The following TASP1 variants were observed in gnomAD, a reference collection of about 807,000 sequenced individuals.
TASP1 encodes the protein taspase 1.
A neutral mutation model predicts 56.6 loss-of-function variants in TASP1; 16 were observed. The ratio of observed to expected loss-of-function variants is 0.28; its 90% CI spans 0.19 to 0.43. The LOEUF (loss-of-function observed/expected upper bound fraction) is 0.43. Ranked by LOEUF, TASP1 falls within the 20% of genes least tolerant of loss-of-function variation. The pLI is 1.00. For synonymous variants in TASP1, 179 were observed against 184.2 expected, an observed-to-expected ratio of 0.97 and a Z score of 0.23; for missense variants, 393 against 511.6, an observed-to-expected ratio of 0.77 and a Z score of 2.24.
At chr20:13,301,815 G>C in the TASP1 span, among the ~76,000 whole-genome samples, 1 of 152,050 alleles carries the variant, frequency 6.6e-6, no homozygotes, top group African/African-American at 2.4e-5. Flanking sequence ...CAGCTCAACT[G>C]GGTGATCAGG....
the TASP1 span, among the ~76,000 whole-genome samples, chr20:13,301,902 G>A: frequency 6.6e-6 from 1 of 152,182 alleles, no homozygotes; most frequent in South Asian, 2.1e-4. Flanking sequence ...AAGAAATAGA[G>A]GCAGAAATCA....
chr20:13,305,175 T>C, the TASP1 span, among the ~76,000 whole-genome samples: 1 of 145,834 alleles, frequency 6.9e-6, no homozygotes, highest in African/African-American at 2.6e-5. Flanking sequence ...GGAACTCTAC[T>C]AGATTTTAAT....
the TASP1 span, among the ~76,000 whole-genome samples, chr20:13,333,574 GAT>G: frequency 0.053 from 7,991 of 152,184 alleles, 313 homozygotes; most frequent in East Asian, 0.15. Context: ...CTTTTAAAAT[GAT>G]ATAGTTGATG....
chr20:13,557,506 G>A (rs2046198938), intron 8 of TASP1, among the ~76,000 whole-genome samples: 1 of 151,440 alleles, frequency 6.6e-6, no homozygotes, highest in African/African-American at 2.4e-5. Context: ...GGTTTACATG[G>A]GCATATATGT....
the TASP1 span, among the ~76,000 whole-genome samples, chr20:13,240,214 A>G: frequency 1.3e-5 from 2 of 152,350 alleles, no homozygotes; most frequent in Middle Eastern, 3.4e-3. Context: ...TGGAGATTCA[A>G]TAGAGAACAA....
chr20:13,530,505 A>G (rs1327715104), intron 9 of TASP1, among the ~76,000 whole-genome samples: 1 of 152,184 alleles, frequency 6.6e-6, no homozygotes, highest in Non-Finnish European at 1.5e-5. Flanking sequence ...CTCAGAGAAC[A>G]CAAGAAATCA....
At chr20:13,624,675 A>C (rs2048824464) in intron 3 of TASP1, among the ~76,000 whole-genome samples, 1 of 152,194 alleles carries the variant, frequency 6.6e-6, no homozygotes. Context: ...TTAAATATTC[A>C]ACAATTTAGC....
At chr20:13,520,518 G>A (rs2044706603) in intron 10 of TASP1, among the ~76,000 whole-genome samples, 2 of 152,166 alleles carry the variant, frequency 1.3e-5, no homozygotes, top group Non-Finnish European at 2.9e-5. Flanking sequence ...AACAAGAAAT[G>A]GGGAAACGAT....
the TASP1 span, among the ~76,000 whole-genome samples, chr20:13,323,995 GA>G: frequency 6.6e-6 from 1 of 152,198 alleles, no homozygotes; most frequent in Admixed American, 6.5e-5. Context: ...GCTTCTCTAA[GA>G]AATGTTATCT....
At position 13,394,307 on chromosome 20, in the gene TASP1, CA is replaced by C. The variant is rs57418361; in HGVS notation, c.1171-3856del. On this transcript the variant is annotated intron_variant, in intron 13 of 13. Coordinates refer to ENST00000337743, the MANE Select transcript of TASP1 (RefSeq NM_017714.3). ...GCCACTGCACTACAGCACTCCCTCT[CA>C]AAAAAAAAAAAAAAAAAAAAGGCCT... 7.5e-3 allele frequency among the ~76,000 whole-genome samples: 321 copies of C among 42,946 alleles called. 1 individual carries two copies. The highest frequency in any genetic ancestry group is 0.024 in the South Asian group (30 of 1,266). 28.2% of individuals were successfully genotyped at this position (42,946 alleles called of 152,430 possible).
chr20:13,440,076 C>A (rs1054358496), intron 11 of TASP1, among the ~76,000 whole-genome samples: 9 of 152,142 alleles, frequency 5.9e-5, no homozygotes, highest in African/African-American at 2.2e-4. Flanking sequence ...AATGGTATTA[C>A]AGTGGCATCA....
At chr20:13,177,580 T>C in the TASP1 span, among the ~76,000 whole-genome samples, 1 of 151,826 alleles carries the variant, frequency 6.6e-6, no homozygotes, top group Non-Finnish European at 1.5e-5. Flanking sequence ...ACCAATGAAA[T>C]AGAAAGGAGA....
downstream of TASP1, among the ~76,000 whole-genome samples, chr20:13,387,184 A>ATTTTTTTTTTTTTGTTTTTTTTTT (rs2041169516): frequency 1.4e-5 from 1 of 70,694 alleles, no homozygotes; most frequent in African/African-American, 6.7e-5. Flanking sequence ...ACATGATTTC[A>ATTTTTTTTTTTTTGTTTTTTTTTT]TTTTTTTTTT....
At chr20:13,469,398 T>A (rs1442802352) in intron 11 of TASP1, among the ~76,000 whole-genome samples, 1 of 152,126 alleles carries the variant, frequency 6.6e-6, no homozygotes, top group African/African-American at 2.4e-5. Flanking sequence ...AAAACCAACT[T>A]CCATTTTGAG....
intron 11 of TASP1, among the ~76,000 whole-genome samples, chr20:13,464,989 T>A (rs926882400): frequency 6.6e-6 from 1 of 151,372 alleles, no homozygotes; most frequent in Admixed American, 6.6e-5. Flanking sequence ...ATAGAGAGAT[T>A]CCATCTCTAA....
chr20:13,436,044 A>G (rs1169724002), intron 11 of TASP1, among the ~76,000 whole-genome samples: 1 of 152,150 alleles, frequency 6.6e-6, no homozygotes, highest in Non-Finnish European at 1.5e-5. Context: ...GACCTTTTGG[A>G]AAACGGTAAG....
the TASP1 span, among the ~76,000 whole-genome samples, chr20:13,132,236 G>A: frequency 7.0e-6 from 1 of 143,724 alleles, no homozygotes; most frequent in African/African-American, 2.6e-5. Flanking sequence ...GAGTGCAGTG[G>A]TGCCATCTCG....
chr20:13,201,757 T>C, the TASP1 span, among the ~76,000 whole-genome samples: 4,154 of 150,174 alleles, frequency 0.028, 96 homozygotes, highest in African/African-American at 0.034. Flanking sequence ...TGGTAAACTT[T>C]TTTTTTTTTT....
chr20:13,476,934 G>T (rs1301842244), intron 11 of TASP1, among the ~76,000 whole-genome samples: 2 of 152,020 alleles, frequency 1.3e-5, no homozygotes, highest in Non-Finnish European at 2.9e-5. Context: ...AAAGAAAAAA[G>T]ATTTTAGTGT....
Sources: allele counts gnomAD v4.1 joint callset (sites outside exome capture counted in the v4.1 genomes callset), GRCh38; gene constraint gnomAD v4.1.1; transcripts MANE v1.5; gene names NCBI Gene and HGNC (gene_info 2026-07-23, HGNC 2026-07-21).